The following CFAP54 variants were observed in gnomAD, a reference collection of about 807,000 sequenced individuals.
CFAP54 encodes the protein cilia and flagella associated protein 54, also known as cilia- and flagella-associated protein 54.
A neutral mutation model predicts 370.4 loss-of-function variants in CFAP54; 290 were observed. That is an observed-to-expected ratio of 0.78 (90% CI 0.71 to 0.86). The LOEUF (loss-of-function observed/expected upper bound fraction) is 0.86. Among genes scored for constraint, CFAP54 ranks in the 40% least tolerant of loss-of-function variants. The pLI is 0.00. For missense variants in CFAP54, 3,399 were observed against 3,528.7 expected (o/e 0.96, Z 0.93); for synonymous variants, 1,206 against 1,236.5 (o/e 0.98, Z 0.52).
rs528821281 is a variant in CFAP54 at position 96,802,563 on chromosome 12, C to T, written c.8851-9173C>T. ...TGCTCCATCAGTGCTATAGCCACCA[C>T]CCATATGACACCAGCTGCCTAGGGG... is the stretch of plus-strand genomic sequence containing the variant. On this transcript the variant is annotated intron_variant, in intron 63 of 67. Coordinates refer to ENST00000524981, the MANE Select transcript of CFAP54 (RefSeq NM_001306084.2). Among the ~76,000 whole-genome samples the T allele has an allele frequency of 3.3e-5, 5 of 152,276 alleles. No homozygotes were observed. The South Asian group carries it at 8.3e-4, about 25-fold the overall frequency.
chr12:96,506,784 A>G lies in CFAP54; in HGVS notation c.568-144A>G, dbSNP rs927963941. 1.2e-5 allele frequency: 7 copies of G among 599,352 alleles called. No individual in the cohort carries two copies. In the African/African-American group the frequency reaches 1.3e-4, roughly 11 times the overall value. The allele number at this position is 599,352 out of a possible 1,614,324, so 37.1% of individuals were successfully genotyped here. A position where few individuals can be genotyped will look rare whatever the true frequency, so the allele number is the denominator to read the frequency against. ...GTATTTTTAGTAGAGACAGGATTTC[A>G]TCATGTTGGCCAGGCTGGTCTCAAA... On this transcript the variant is annotated intron_variant, in intron 3 of 67. Transcript: ENST00000524981.
chr12:96,830,041 A>G (rs966022874), intron 66 of CFAP54, among the ~76,000 whole-genome samples: 10 of 152,132 alleles, frequency 6.6e-5, no homozygotes, highest in Admixed American at 1.3e-4. Context: ...GTGTTGTAAC[A>G]TGTCCTAGTA....
chr12:96,826,645 T>C (rs1195034568), intron 65 of CFAP54, among the ~76,000 whole-genome samples: 4 of 107,852 alleles, frequency 3.7e-5, no homozygotes, highest in Non-Finnish European at 5.0e-5. Context: ...AAATATAGTA[T>C]ATATTAAATA....
chr12:96,634,520 A>C (rs913689738), intron 32 of CFAP54, among the ~76,000 whole-genome samples: 1 of 152,132 alleles, frequency 6.6e-6, no homozygotes, highest in African/African-American at 2.4e-5. Context: ...TGTTATTGGC[A>C]AATACTTTTT....
chr12:96,588,242 A>G (rs1390571947), intron 22 of CFAP54, among the ~76,000 whole-genome samples: 1 of 151,428 alleles, frequency 6.6e-6, no homozygotes, highest in Non-Finnish European at 1.5e-5. Flanking sequence ...TCTTAAATGT[A>G]TTTTAGAGTC....
intron 65 of CFAP54, among the ~76,000 whole-genome samples, chr12:96,824,157 A>G (rs1381630984): frequency 1.3e-5 from 2 of 151,890 alleles, no homozygotes; most frequent in Non-Finnish European, 2.9e-5. Context: ...CGTGCATCCA[A>G]CCGCTTTCTG....
At chr12:96,624,115 G>A (rs568852524) in intron 28 of CFAP54, among the ~76,000 whole-genome samples, 2 of 152,154 alleles carry the variant, frequency 1.3e-5, no homozygotes, top group African/African-American at 4.8e-5. Context: ...TAGCTGGCTT[G>A]GACTTGAGCC....
intron 46 of CFAP54, among the ~76,000 whole-genome samples, chr12:96,702,394 A>C (rs894669067): frequency 6.6e-6 from 1 of 152,086 alleles, no homozygotes; most frequent in East Asian, 1.9e-4. Context: ...ACGGAACTAG[A>C]TGAATTCAGC....
intron 39 of CFAP54, among the ~76,000 whole-genome samples, chr12:96,664,709 ATATATCTATATATATC>A (rs1310306320): frequency 6.6e-4 from 5 of 7,590 alleles, no homozygotes; most frequent in African/African-American, 2.3e-3. Context: ...ATATATATAT[ATATATCTATATATATC>A]TATATATATA....
At chr12:96,762,700 G>A (rs1958352535) in intron 58 of CFAP54, among the ~76,000 whole-genome samples, 1 of 152,136 alleles carries the variant, frequency 6.6e-6, no homozygotes, top group Non-Finnish European at 1.5e-5. Context: ...TAGATAAATT[G>A]CCCATGCTTA....
chr12:96,822,652 C>T lies in CFAP54; in HGVS notation c.9096+4739C>T, dbSNP rs111389465. 9.7e-3 allele frequency among the ~76,000 whole-genome samples: 1,474 copies of T among 152,232 alleles called. 24 individuals carry two copies. Among genetic ancestry groups the T allele is most frequent in the African/African-American group, 0.033 (1,372 of 41,520 alleles). On this transcript the variant is annotated intron_variant, in intron 65 of 67. Transcript: ENST00000524981. ...GAGCCCAGCCACCCAGTAGCTCTGT[C>T]GTAAGAAAGTGTGGCAGTCAGTCTG...
chr12:96,693,565 T>C (rs1284704721), intron 44 of CFAP54, among the ~76,000 whole-genome samples, 157 bp from the exon 45 acceptor site: 1 of 152,222 alleles, frequency 6.6e-6, no homozygotes, highest in African/African-American at 2.4e-5. Context: ...ATGTGCTAGA[T>C]AGATTATTTC....
At chr12:96,871,725 T>C (rs1254073250) in intron 67 of CFAP54, among the ~76,000 whole-genome samples, 1 of 152,062 alleles carries the variant, frequency 6.6e-6, no homozygotes, top group Non-Finnish European at 1.5e-5. Context: ...AAGAACCAAA[T>C]GGAAATCCTT....
intron 60 of CFAP54, among the ~76,000 whole-genome samples, chr12:96,775,001 TAGTC>T (rs1166657010): frequency 1.3e-5 from 2 of 152,186 alleles, no homozygotes; most frequent in Non-Finnish European, 2.9e-5. Context: ...TTTCTGTAAA[TAGTC>T]AGATAGTAAA....
At chr12:96,684,972 T>C (rs914013717) in intron 41 of CFAP54, 57 bp from the exon 42 acceptor site, 20 of 1,536,424 alleles carry the variant, frequency 1.3e-5, no homozygotes, top group Middle Eastern at 3.4e-4. Flanking sequence ...TTCTGGAAGA[T>C]AGATTTAATA....
rs1307838305 is a variant in CFAP54 at position 96,718,606 on chromosome 12, A to T, written c.6804+84A>T. 8 of 785,416 alleles carry T rather than the reference A, an allele frequency of 1.0e-5. No individual in the cohort carries two copies. The East Asian group carries it at 2.2e-4, about 21-fold the overall frequency. The allele number at this position is 785,416 out of a possible 1,614,324, so 48.7% of individuals were successfully genotyped here. ...CCTGGATGGGCCTGCTTTCAGAGTT[A>T]TGCTTGCTCTTGTGAGAGCAGTTAC... On this transcript the variant is annotated intron_variant, in intron 49 of 67. Coordinates refer to ENST00000524981, the MANE Select transcript of CFAP54 (RefSeq NM_001306084.2).
intron 38 of CFAP54, among the ~76,000 whole-genome samples, chr12:96,661,204 C>G (rs778668938): frequency 6.6e-6 from 1 of 152,088 alleles, no homozygotes. Context: ...CTTATCCTGC[C>G]GTGGTCTTTC....
chr12:96,683,438 T>A (rs1957292804), intron 40 of CFAP54, among the ~76,000 whole-genome samples: 1 of 152,242 alleles, frequency 6.6e-6, no homozygotes. Context: ...GTGGTTGCAA[T>A]GTCTGGAAAA....
chr12:96,638,645 T>C (rs1366220800), intron 32 of CFAP54, among the ~76,000 whole-genome samples: 2 of 152,206 alleles, frequency 1.3e-5, no homozygotes, highest in Admixed American at 1.3e-4. Flanking sequence ...TATATATCAT[T>C]GCTTTGATTA....
Sources: gnomAD v4.1 joint callset for allele counts (sites outside exome capture counted in the v4.1 genomes callset) on GRCh38, gnomAD v4.1.1 for gene constraint, MANE v1.5 for transcripts, NCBI Gene and HGNC (gene_info 2026-07-23, HGNC 2026-07-21) for gene names.